The following ACSM2B variants were observed in gnomAD, a reference collection of about 807,000 sequenced individuals.
ACSM2B encodes the protein acyl-coenzyme A synthetase ACSM2B, mitochondrial.
A neutral mutation model predicts 78.6 loss-of-function variants in ACSM2B; 58 were observed. The observed-to-expected ratio is 0.74, with a 90% confidence interval of 0.60 to 0.92. ACSM2B has a LOEUF of 0.92. ACSM2B is among the 40% of genes least tolerant of loss of function. ACSM2B has a pLI of 0.00. For missense variants in ACSM2B, 688 were observed against 711.2 expected (o/e 0.97, Z 0.37); for synonymous variants, 257 against 256.8 (o/e 1.00, Z -0.01).
rs191709189 is a variant in ACSM2B at position 20,557,541 on chromosome 16, G to A, written c.388+1696C>T. ...CCTTCCTCATCCCATTCCCTATTGA[G>A]CATCCAATATGACCATCCAAACAGA... On this transcript the variant is annotated intron_variant, in intron 3 of 13. Coordinates refer to ENST00000329697, the MANE Select transcript of ACSM2B (RefSeq NM_001105069.2). Among the ~76,000 whole-genome samples the A allele has an allele frequency of 1.7e-3, 260 of 152,244 alleles. 1 individual carries two copies. Among genetic ancestry groups the A allele is most frequent in the Non-Finnish European group, 2.6e-3 (179 of 68,020 alleles).
At chr16:20,556,890 C>G (rs2015490443) in intron 3 of ACSM2B, among the ~76,000 whole-genome samples, 1 of 152,190 alleles carries the variant, frequency 6.6e-6, no homozygotes, top group Admixed American at 6.5e-5. Context: ...GGCTTGTTCT[C>G]TCTTTCCACA....
intron 12 of ACSM2B, chr16:20,541,604 T>A (rs1301041074): frequency 4.6e-5 from 7 of 151,948 alleles, no homozygotes; most frequent in Non-Finnish European, 8.8e-5. Flanking sequence ...AAAATAGACA[T>A]TATATAGTAC....
intron 2 of ACSM2B, among the ~76,000 whole-genome samples, chr16:20,559,815 C>T (rs1201032207): frequency 1.3e-5 from 2 of 150,692 alleles, no homozygotes; most frequent in African/African-American, 5.0e-5. Context: ...TTCTGCAATT[C>T]CCTTTAATGT....
At chr16:20,555,519 C>G (rs1364404478) in intron 3 of ACSM2B, 43 bp from the exon 4 acceptor site, 2 of 1,609,956 alleles carry the variant, frequency 1.2e-6, no homozygotes, top group Non-Finnish European at 1.7e-6. Flanking sequence ...GGATGGTTTT[C>G]TTTGTCCCTA....
At chr16:20,539,166 GTCTGCTCAGT>G (rs1474438378) in intron 13 of ACSM2B, among the ~76,000 whole-genome samples, 3 of 144,444 alleles carry the variant, frequency 2.1e-5, no homozygotes, top group South Asian at 2.4e-4. Flanking sequence ...CAACCTCACC[GTCTGCTCAGT>G]TCTGCTCCTT....
intron 13 of ACSM2B, among the ~76,000 whole-genome samples, chr16:20,537,970 A>G (rs1174541834): frequency 1.3e-5 from 2 of 152,032 alleles, no homozygotes. Flanking sequence ...CAATTTCACT[A>G]TTTGCTCTTG....
In ACSM2B at chr16:20,553,661, T is replaced by G. The variant is rs1424401587; in HGVS notation, c.740+116A>C. On this transcript the variant is annotated intron_variant, in intron 5 of 13. Transcript: ENST00000329697. ...TGTCCTCTTTAGCTTTCCTTCTGAA[T>G]TTTCTTTCTCAGAACCACAAGGTGG... 1.1e-5 allele frequency: 16 copies of G among 1,479,214 alleles called. No individual in the cohort carries two copies. In the Admixed American group the frequency reaches 2.7e-4, roughly 25 times the overall value. 91.6% of individuals were successfully genotyped at this position (1,479,214 alleles called of 1,614,324 possible).
intron 6 of ACSM2B, chr16:20,549,677 G>A (rs565350525): frequency 2.3e-5 from 9 of 395,598 alleles, no homozygotes; most frequent in Non-Finnish European, 3.4e-5. Flanking sequence ...GCCCTCAGGA[G>A]GTCCTGAGAA....
intron 1 of ACSM2B, among the ~76,000 whole-genome samples, chr16:20,568,286 T>C (rs2152148020): frequency 6.9e-6 from 1 of 144,892 alleles, no homozygotes; most frequent in African/African-American, 2.5e-5. Flanking sequence ...TATATAGATA[T>C]ATATAAAATA....
chr16:20,556,485 C>T (rs529007121), intron 3 of ACSM2B, among the ~76,000 whole-genome samples: 29 of 152,244 alleles, frequency 1.9e-4, no homozygotes, highest in African/African-American at 6.7e-4. Flanking sequence ...GCCTGTAATC[C>T]CAGCTACTCA....
chr16:20,546,218 C>T (rs1379385570), intron 9 of ACSM2B, among the ~76,000 whole-genome samples, 176 bp downstream of exon 9: 1 of 151,944 alleles, frequency 6.6e-6, no homozygotes, highest in African/African-American at 2.4e-5. Context: ...TTCTCCTTTT[C>T]CTCCTTCCTT....
At chr16:20,564,629 C>T (rs1292431002) in intron 2 of ACSM2B, 40 bp downstream of exon 2, 5 of 1,602,412 alleles carry the variant, frequency 3.1e-6, no homozygotes, top group African/African-American at 1.3e-5. Flanking sequence ...TAAAAGTCAA[C>T]AAAATTGTCT....
At chr16:20,563,741 G>A (rs1035378017) in intron 2 of ACSM2B, among the ~76,000 whole-genome samples, 1 of 147,800 alleles carries the variant, frequency 6.8e-6, no homozygotes, top group Non-Finnish European at 1.5e-5. Flanking sequence ...GTTTCATAGT[G>A]TAGGGAACTT....
In ACSM2B at chr16:20,552,021, A is replaced by G. The variant is rs936391453; in HGVS notation, c.894+123T>C. 5.4e-6 allele frequency: 8 copies of G among 1,476,530 alleles called. No homozygotes were observed. The African/African-American group carries it at 9.9e-5, about 18-fold the overall frequency. The allele number at this position is 1,476,530 out of a possible 1,614,324, so 91.5% of individuals were successfully genotyped here. On this transcript the variant is annotated intron_variant, in intron 6 of 13. Transcript: ENST00000329697. ...ACCATTTCCATCTCGTTTACTGAAC[A>G]CTGTTCTCCACATGGCAGAGGTTTA...
intron 9 of ACSM2B, among the ~76,000 whole-genome samples, chr16:20,546,025 G>A (rs1478005683): frequency 6.6e-6 from 1 of 152,082 alleles, no homozygotes. Context: ...TCATGCTGCA[G>A]GTTGGCATTA....
chr16:20,569,220 C>T (rs1233357810), intron 1 of ACSM2B, among the ~76,000 whole-genome samples: 2 of 151,814 alleles, frequency 1.3e-5, no homozygotes, highest in Non-Finnish European at 2.9e-5. Flanking sequence ...GTCCTTGATC[C>T]ATCTTGAGGT....
At chr16:20,547,122 A>T (rs1283162893) in intron 8 of ACSM2B, 28 of 1,015,074 alleles carry the variant, frequency 2.8e-5, no homozygotes, top group Non-Finnish European at 3.2e-5. Context: ...TGTCACAATG[A>T]CCCATCTTTT....
intron 9 of ACSM2B, 30 bp from the exon 10 acceptor site, chr16:20,545,288 C>T (rs371680066): frequency 1.0e-4 from 166 of 1,605,898 alleles, no homozygotes; most frequent in Middle Eastern, 6.6e-4. Context: ...GGAAGAATGA[C>T]GCACACAGCA....
At chr16:20,571,216 C>A (rs1257735979) in intron 1 of ACSM2B, among the ~76,000 whole-genome samples, 4 of 152,166 alleles carry the variant, frequency 2.6e-5, no homozygotes, top group Non-Finnish European at 5.9e-5. Flanking sequence ...AGGCTATGAA[C>A]TTTCCTCTTA....
Sources: gnomAD v4.1 joint callset for allele counts (sites outside exome capture counted in the v4.1 genomes callset) on GRCh38, gnomAD v4.1.1 for gene constraint, MANE v1.5 for transcripts, NCBI Gene and HGNC (gene_info 2026-07-23, HGNC 2026-07-21) for gene names.